The following FAM149B1 variants were observed in gnomAD, a reference collection of about 807,000 sequenced individuals.
The protein encoded by FAM149B1 is primary cilium assembly protein FAM149B1.
A neutral mutation model predicts 75.3 loss-of-function variants in FAM149B1; 56 were observed. The observed-to-expected ratio is 0.74, with a 90% CI of 0.60 to 0.93. FAM149B1 has a LOEUF of 0.93. FAM149B1 is among the 40% of genes least tolerant of loss of function. The pLI, the probability that FAM149B1 is intolerant of heterozygous loss-of-function variation, is 0.00. For synonymous variants in FAM149B1, 259 were observed against 256.1 expected (o/e 1.01, Z -0.11); for missense variants, 639 against 708.4 (o/e 0.90, Z 1.11).
At chr10:73,186,865 C>A (rs1050779510) in intron 3 of FAM149B1, among the ~76,000 whole-genome samples, 1 of 151,980 alleles carries the variant, frequency 6.6e-6, no homozygotes, top group African/African-American at 2.4e-5. Flanking sequence ...TATTGGTGGC[C>A]AGGGGCTGGG....
At chr10:73,235,354 T>C (rs1207391793) in intron 12 of FAM149B1, 36 bp downstream of exon 12, 5 of 1,549,644 alleles carry the variant, frequency 3.2e-6, no homozygotes, top group South Asian at 1.2e-5. Context: ...GTCTTGATAG[T>C]TGGGGAAAGA....
At chr10:73,206,972 C>T (rs2043077463) in intron 5 of FAM149B1, among the ~76,000 whole-genome samples, 2 of 152,150 alleles carry the variant, frequency 1.3e-5, no homozygotes, top group African/African-American at 4.8e-5. Flanking sequence ...TAAGCCTTGG[C>T]AGCTTCCATG....
At chr10:73,174,107 TAAAG>T (rs1336717716) in intron 1 of FAM149B1, among the ~76,000 whole-genome samples, 9 of 152,240 alleles carry the variant, frequency 5.9e-5, no homozygotes, top group Non-Finnish European at 1.5e-5. Flanking sequence ...CAACTGTAAA[TAAAG>T]CTGCTGTGAA....
intron 5 of FAM149B1, among the ~76,000 whole-genome samples, chr10:73,194,648 C>T (rs1425801542): frequency 6.6e-6 from 1 of 150,788 alleles, no homozygotes; most frequent in African/African-American, 2.5e-5. Flanking sequence ...CAGGCATGAA[C>T]CACCGCACCC....
chr10:73,201,715 T>C (rs546770689), intron 5 of FAM149B1, among the ~76,000 whole-genome samples: 1 of 152,296 alleles, frequency 6.6e-6, no homozygotes, highest in East Asian at 1.9e-4. Flanking sequence ...CAATCAAATA[T>C]TTAATTAGTG....
chr10:73,178,489 C>CAAAA (rs10646694), intron 3 of FAM149B1, among the ~76,000 whole-genome samples: 4 of 135,980 alleles, frequency 2.9e-5, no homozygotes, highest in African/African-American at 7.9e-5. Flanking sequence ...GAAACTGTCT[C>CAAAA]AAAAAAAAAA....
At chr10:73,171,888 A>G (rs1407867381) in intron 1 of FAM149B1, among the ~76,000 whole-genome samples, 1 of 152,160 alleles carries the variant, frequency 6.6e-6, no homozygotes, top group East Asian at 1.9e-4. Flanking sequence ...TCAGCCTCCC[A>G]AAGTGCTGGG....
At chr10:73,239,532 T>C (rs2133417780) in intron 13 of FAM149B1, 148 bp downstream of exon 13, 2 of 600,352 alleles carry the variant, frequency 3.3e-6, no homozygotes, top group Middle Eastern at 3.6e-4. Context: ...CTAAAATTCA[T>C]TTTGGAACAT....
chr10:73,219,573 G>A (rs1219479749), intron 7 of FAM149B1, among the ~76,000 whole-genome samples: 1 of 152,200 alleles, frequency 6.6e-6, no homozygotes, highest in Non-Finnish European at 1.5e-5. Context: ...ATAGATCAAT[G>A]GAATAGAATC....
At chr10:73,181,704 A>G (rs1262250752) in intron 3 of FAM149B1, among the ~76,000 whole-genome samples, 1 of 152,212 alleles carries the variant, frequency 6.6e-6, no homozygotes, top group African/African-American at 2.4e-5. Flanking sequence ...GCTGAGGAAA[A>G]GAATGTGTAT....
At chr10:73,195,294 T>A (rs1205696531) in intron 5 of FAM149B1, among the ~76,000 whole-genome samples, 1 of 152,238 alleles carries the variant, frequency 6.6e-6, no homozygotes, top group Non-Finnish European at 1.5e-5. Context: ...GGTTATCAAC[T>A]GATTTTTGGT....
chr10:73,224,947 C>T (rs1166441934), intron 7 of FAM149B1, among the ~76,000 whole-genome samples: 1 of 152,074 alleles, frequency 6.6e-6, no homozygotes, highest in Non-Finnish European at 1.5e-5. Flanking sequence ...AATGTTGGAC[C>T]ACATATATGA....
intron 3 of FAM149B1, among the ~76,000 whole-genome samples, chr10:73,189,124 C>T (rs918992058): frequency 2.0e-5 from 3 of 151,924 alleles, no homozygotes; most frequent in East Asian, 1.9e-4. Context: ...TAAATGGCCA[C>T]GTAGCATGTA....
chr10:73,179,998 C>A (rs866857576), intron 3 of FAM149B1, among the ~76,000 whole-genome samples: 9 of 151,992 alleles, frequency 5.9e-5, no homozygotes, highest in Non-Finnish European at 1.3e-4. Context: ...TGGTTGTTTT[C>A]CCTGTACTTG....
chr10:73,226,043 C>G (rs2043534765), intron 7 of FAM149B1, among the ~76,000 whole-genome samples: 2 of 152,032 alleles, frequency 1.3e-5, no homozygotes, highest in African/African-American at 4.8e-5. Flanking sequence ...GAAGGTATCC[C>G]TGTTGTTAAG....
intron 5 of FAM149B1, among the ~76,000 whole-genome samples, chr10:73,198,103 G>C (rs907509634): frequency 5.3e-5 from 8 of 152,126 alleles, no homozygotes; most frequent in Non-Finnish European, 1.2e-4. Flanking sequence ...AGACTACCTG[G>C]GTAAAGGACA....
chr10:73,234,759 C>T, intron 10 of FAM149B1, 58 bp from the exon 11 acceptor site: 1 of 1,523,206 alleles, frequency 6.6e-7, no homozygotes, highest in Non-Finnish European at 8.9e-7. Flanking sequence ...AATCAATTTG[C>T]TGGTATTGTT....
chr10:73,202,416 CGTAAT>C (rs1564696093), intron 5 of FAM149B1, among the ~76,000 whole-genome samples: 1 of 151,042 alleles, frequency 6.6e-6, no homozygotes, highest in African/African-American at 2.4e-5. Flanking sequence ...AGCAGAATAA[CGTAAT>C]GGAATGTTGG....
Position 73,242,769 on chromosome 10 carries a change from T to C in FAM149B1, c.*1750T>C, listed in dbSNP as rs17738368. ...CCCTTTTCTCTCATCCTAAACACCATTCATATTTTTCCTAGGTCACATTTT... is the reference window on the plus strand; with the variant it reads ...CCCTTTTCTCTCATCCTAAACACCACTCATATTTTTCCTAGGTCACATTTT... On this transcript the variant is annotated 3_prime_UTR_variant, in exon 14 of 14. Transcript: ENST00000242505. 9,430 of 152,288 alleles carry C rather than the reference T, an allele frequency of 0.062. 394 individuals are homozygous for C. The highest frequency in any genetic ancestry group is 0.099 in the Non-Finnish European group (6,716 of 68,064). 9.4% of individuals were successfully genotyped at this position (152,288 alleles called of 1,614,324 possible).
Sources: allele counts gnomAD v4.1 joint callset (sites outside exome capture counted in the v4.1 genomes callset), GRCh38; gene constraint gnomAD v4.1.1; transcripts MANE v1.5; gene names NCBI Gene and HGNC (gene_info 2026-07-23, HGNC 2026-07-21).